The following TBC1D9B variants were observed in gnomAD, a reference collection of about 807,000 sequenced individuals.
The protein encoded by TBC1D9B is TBC1 domain family member 9B, also known as TBC1 domain family, member 9B (with GRAM domain).
A neutral mutation model predicts 121.1 loss-of-function variants in TBC1D9B; 87 were observed. The observed-to-expected ratio is 0.72, with a 90% confidence interval of 0.60 to 0.86. TBC1D9B has a LOEUF of 0.86. Among genes scored for constraint, TBC1D9B ranks in the 40% least tolerant of loss-of-function variants. The pLI is 0.00. For missense variants in TBC1D9B, 1,540 were observed against 1,628.6 expected (o/e 0.95, Z 0.94); for synonymous variants, 668 against 670.1 (o/e 1.00, Z 0.05).
rs980004470 is a variant in TBC1D9B, at chr5:179,865,505, T to TG, written c.2915-146dup. 4.3e-5 allele frequency: 33 copies of TG among 775,432 alleles called. No homozygotes were observed. Among genetic ancestry groups the TG allele is most frequent in the Non-Finnish European group, 7.0e-5 (33 of 474,686 alleles). 48.0% of individuals were successfully genotyped at this position (775,432 alleles called of 1,614,324 possible). ...ACCCTGGCGTTTGGGAAGGTGGTCATGGGAAAAAAACCCAGAACAGCCACA... is the reference window on the plus strand; with the variant it reads ...ACCCTGGCGTTTGGGAAGGTGGTCATGGGGAAAAAAACCCAGAACAGCCACA... On this transcript the variant is annotated intron_variant, in intron 19 of 20. Transcript: ENST00000355235. The surrounding 1 kb of genome is among the most constrained non-coding windows in gnomAD (Gnocchi z 5.1).
Position 179,873,251 on chromosome 5 carries a change from G to A in TBC1D9B, c.2187-3C>T, listed in dbSNP as rs2113611242. ...TGTTGACCACATTATCCAGGTATCT[G>A]CAAAGGACAGAGGACAACAGTCCAG... On this transcript the variant is annotated splice_region_variant and splice_polypyrimidine_tract_variant and intron_variant, in intron 12 of 20. Transcript: ENST00000355235. 6.2e-7 allele frequency: 1 copy of A among 1,600,586 alleles called. No homozygotes were observed. Among genetic ancestry groups the A allele is most frequent in the Non-Finnish European group, 8.5e-7 (1 of 1,173,426 alleles).
At position 179,864,020 on chromosome 5, in the gene TBC1D9B, T is replaced by A. The variant is rs1313867299; in HGVS notation, c.3130A>T (p.Ile1044Phe). ...IATVASLLLR[I>F]GEVGKKFSAR... ...GAGAACTTCTTCCCCACCTCTCCGATGCGGAGCAGGAGGCTGGCCACGGTG... is the reference window on the plus strand; with the variant it reads ...GAGAACTTCTTCCCCACCTCTCCGAAGCGGAGCAGGAGGCTGGCCACGGTG... Residue 1044 changes from isoleucine to phenylalanine, a missense_variant, in exon 21 of 21, where the codon ATC becomes TTC. Coordinates refer to ENST00000355235, the MANE Select transcript of TBC1D9B (RefSeq NM_015043.4). The A allele has an allele frequency of 1.9e-6, 3 of 1,613,668 alleles. No individual in the cohort carries two copies. Among genetic ancestry groups the A allele is most frequent in the Non-Finnish European group, 2.5e-6 (3 of 1,180,018 alleles).
In TBC1D9B at chr5:179,904,948, T is replaced by A; in HGVS notation, c.119-136A>T. On this transcript the variant is annotated intron_variant, in intron 1 of 20. Transcript: ENST00000355235. The surrounding 1 kb of genome is among the most constrained non-coding windows in gnomAD (Gnocchi z 4.2). Reference sequence around the variant, plus strand: ...AGCCCAACGAGGGAAACGTCCGGAATGACCCCTGCGGTCAAAGGCCTTCAG... The same window carrying A: ...AGCCCAACGAGGGAAACGTCCGGAAAGACCCCTGCGGTCAAAGGCCTTCAG... 1.6e-6 allele frequency: 1 copy of A among 632,190 alleles called. No homozygotes were observed. The highest frequency in any genetic ancestry group is 2.1e-5 in the South Asian group (1 of 46,786). 39.2% of individuals were successfully genotyped at this position (632,190 alleles called of 1,614,324 possible).
chr5:179,869,780 T>C lies in TBC1D9B; in HGVS notation c.2780A>G (p.His927Arg). The change falls in exon 17 of 21, where the codon CAC becomes CGC. Residue 927 changes from histidine (H) to arginine (R), a missense_variant. Coordinates refer to ENST00000355235, the MANE Select transcript of TBC1D9B (RefSeq NM_015043.4). ...TEKLKVLYKL[H>R]LPPALSPEEA... ...CAGGAGGCTCTCACCTGGGGGAAGGTGTAGCTTGTAGAGCACCTTGAGCTT... is the reference window on the plus strand; with the variant it reads ...CAGGAGGCTCTCACCTGGGGGAAGGCGTAGCTTGTAGAGCACCTTGAGCTT... 6.2e-7 allele frequency: 1 copy of C among 1,602,312 alleles called. No individual in the cohort carries two copies. The highest frequency in any genetic ancestry group is 8.5e-7 in the Non-Finnish European group (1 of 1,173,624).
Position 179,907,818 on chromosome 5 carries a change from A to G in TBC1D9B, c.4T>C (p.Trp2Arg), listed in dbSNP as rs1161763352. The G allele has an allele frequency of 8.5e-7, 1 of 1,182,034 alleles. No homozygotes were observed. 73.2% of individuals were successfully genotyped at this position (1,182,034 alleles called of 1,614,324 possible). Residue 2 changes from tryptophan (W) to arginine (R), a missense_variant, in exon 1 of 21, where the codon TGG becomes CGG. Transcript: ENST00000355235. This position sits in a 1 kb window ranked among gnomAD's most constrained non-coding sequence, Gnocchi z 5.3. The stretch of plus-strand genomic sequence containing the variant: ...ACCAGCACCTCCTCCGGGCTCAGCC[A>G]CATCGCGGAGCCGCTCGCACCGGGC... MWLSPEEVLVAN... is the reference protein window; with the variant it reads MRLSPEEVLVAN...
Position 179,891,630 on chromosome 5 carries a change from C to A in TBC1D9B, c.837-44G>T, listed in dbSNP as rs745881818. On this transcript the variant is annotated intron_variant, in intron 5 of 20. Coordinates refer to ENST00000355235, the MANE Select transcript of TBC1D9B (RefSeq NM_015043.4). The surrounding 1 kb of genome is among the most constrained non-coding windows in gnomAD (Gnocchi z 4.3). ...AGGACAGGAGGAAAGGGGACAAGGT[C>A]AGGACCAGCACACTCTCAAGGAAGC... 1.2e-6 allele frequency: 2 copies of A among 1,600,260 alleles called. No homozygotes were observed. Among genetic ancestry groups the A allele is most frequent in the South Asian group, 2.2e-5 (2 of 90,792 alleles).
rs1429262407 is a variant in TBC1D9B at position 179,874,373 on chromosome 5, A to G, written c.2186+529T>C. ...GGGCTGGATCCCAGACAGAATCTGC[A>G]AGAGATGGGATGTGGGGACTAAGGA... On this transcript the variant is annotated intron_variant, in intron 12 of 20. Coordinates refer to ENST00000355235, the MANE Select transcript of TBC1D9B (RefSeq NM_015043.4). The surrounding 1 kb of genome is among the most constrained non-coding windows in gnomAD (Gnocchi z 4.3). Among the ~76,000 whole-genome samples the G allele has an allele frequency of 6.6e-6, 1 of 152,080 alleles. No individual in the cohort carries two copies. Among genetic ancestry groups the G allele is most frequent in the Non-Finnish European group, 1.5e-5 (1 of 68,002 alleles).
In TBC1D9B at chr5:179,904,287, C is replaced by G. The variant is rs541287578; in HGVS notation, c.229+415G>C. 1.4e-5 allele frequency among the ~76,000 whole-genome samples: 2 copies of G among 143,264 alleles called. No individual in the cohort carries two copies. Among genetic ancestry groups the G allele is most frequent in the African/African-American group, 2.7e-5 (1 of 36,552 alleles). The allele number at this position is 143,264 out of a possible 152,430, so 94.0% of individuals were successfully genotyped here. The stretch of plus-strand genomic sequence containing the variant: ...TCGCCCAGGCTGGAGTGCAGTGGCG[C>G]GATCTCGGCTCACTGCAAGCTCCGC... On this transcript the variant is annotated intron_variant, in intron 2 of 20. Coordinates refer to ENST00000355235, the MANE Select transcript of TBC1D9B (RefSeq NM_015043.4). This position sits in a 1 kb window ranked among gnomAD's most constrained non-coding sequence, Gnocchi z 4.2.
At position 179,881,946 on chromosome 5, in the gene TBC1D9B, G is replaced by GTTTTTTTTTTTTTTTTTT. The variant is rs796278508; in HGVS notation, c.1255-2158_1255-2157insAAAAAAAAAAAAAAAAAA. On this transcript the variant is annotated intron_variant, in intron 7 of 20. Transcript: ENST00000355235. ...TTCCATATCTTTCCATATACCTTCC[G>GTTTTTTTTTTTTTTTTTT]TTTTTTTTTTTTTTTTGAGATGGAG... is the stretch of plus-strand genomic sequence containing the variant. Among the ~76,000 whole-genome samples the GTTTTTTTTTTTTTTTTTT allele has an allele frequency of 3.8e-4, 49 of 128,274 alleles. 2 individuals are homozygous for GTTTTTTTTTTTTTTTTTT. The highest frequency in any genetic ancestry group is 1.4e-3 in the African/African-American group (42 of 29,956). 84.2% of individuals were successfully genotyped at this position (128,274 alleles called of 152,430 possible). A position where few individuals can be genotyped will look rare whatever the true frequency, so the allele number is the denominator to read the frequency against.
intron 7 of TBC1D9B, among the ~76,000 whole-genome samples, chr5:179,884,711 G>A (rs115447712): frequency 0.024 from 3,695 of 152,264 alleles, 108 homozygotes; most frequent in African/African-American, 0.078. Flanking sequence ...CTACAACAGG[G>A]ATGAACCTGG....
rs2113615482 is a variant in TBC1D9B at position 179,876,075 on chromosome 5, G to C, written c.1783-38C>G. 2 of 1,569,858 alleles carry C rather than the reference G, an allele frequency of 1.3e-6. 1 individual carries two copies. The highest frequency in any genetic ancestry group is 2.3e-5 in the South Asian group (2 of 87,866). Reference sequence around the variant, plus strand: ...GAGACAGCCGGGGAAGGCTTGCACTGCTGGCCAGCAAATAAAACTGTCTCT... The same window carrying C: ...GAGACAGCCGGGGAAGGCTTGCACTCCTGGCCAGCAAATAAAACTGTCTCT... On this transcript the variant is annotated intron_variant, in intron 10 of 20. Transcript: ENST00000355235.
intron 6 of TBC1D9B, among the ~76,000 whole-genome samples, chr5:179,889,409 CAGA>C (rs1476484485): frequency 6.7e-6 from 1 of 148,416 alleles, no homozygotes; most frequent in Non-Finnish European, 1.5e-5. Flanking sequence ...GAGAGGCGCA[CAGA>C]AGGCCTCACA....
rs1417148368 is a variant in TBC1D9B at position 179,874,664 on chromosome 5, C to T, written c.2186+238G>A. ...CTCCAACCCTACATCTGAGCGGTGG[C>T]CCTCCAGCCAGCATGCTCTGCCCGC... On this transcript the variant is annotated intron_variant, in intron 12 of 20. Transcript: ENST00000355235. The surrounding 1 kb of genome is among the most constrained non-coding windows in gnomAD (Gnocchi z 4.3). 3.3e-5 allele frequency among the ~76,000 whole-genome samples: 5 copies of T among 152,190 alleles called. No homozygotes were observed. The highest frequency in any genetic ancestry group is 6.5e-5 in the Admixed American group (1 of 15,286).
intron 2 of TBC1D9B, among the ~76,000 whole-genome samples, chr5:179,900,850 A>G (rs1761146899): frequency 6.6e-6 from 1 of 152,068 alleles, no homozygotes; most frequent in Admixed American, 6.5e-5. Flanking sequence ...GGCCAGTGTG[A>G]CTGTGAACCA....
chr5:179,895,103 C>T lies in TBC1D9B; in HGVS notation c.349-489G>A, dbSNP rs577666308. 9.2e-5 allele frequency among the ~76,000 whole-genome samples: 14 copies of T among 152,212 alleles called. No individual in the cohort carries two copies. In the South Asian group the frequency reaches 1.0e-3, roughly 11 times the overall value. On this transcript the variant is annotated intron_variant, in intron 3 of 20. Coordinates refer to ENST00000355235, the MANE Select transcript of TBC1D9B (RefSeq NM_015043.4). ...CTCAAACTCCTGGGCTCAAGTGATC[C>T]GCCCGCCTCAGCCTCCCAAAGTGCT...
chr5:179,900,567 C>A (rs1338375682), intron 2 of TBC1D9B, among the ~76,000 whole-genome samples: 1 of 152,182 alleles, frequency 6.6e-6, no homozygotes. Context: ...GTTAGCGAAT[C>A]CTGAACCAGT....
At position 179,874,930 on chromosome 5, in the gene TBC1D9B, C is replaced by T. The variant is rs371596791; in HGVS notation, c.2158G>A (p.Glu720Lys). The change falls in exon 12 of 21, where the codon GAG (glutamate) becomes AAG (lysine). Residue 720 changes from glutamate to lysine, a missense_variant. Glu to Lys is a moderately conservative substitution (Grantham distance 56, BLOSUM62 1). Coordinates refer to ENST00000355235, the MANE Select transcript of TBC1D9B (RefSeq NM_015043.4). This position sits in a 1 kb window ranked among gnomAD's most constrained non-coding sequence, Gnocchi z 4.3. ...NMEQLLGCSD[E>K]GEAMTMLGRY... Reference sequence around the variant, plus strand: ...CCCAGCATGGTCATGGCCTCGCCCTCGTCGCTGCAGCCCAGCAGCTGCTCC... The same window carrying T: ...CCCAGCATGGTCATGGCCTCGCCCTTGTCGCTGCAGCCCAGCAGCTGCTCC... 8.7e-6 allele frequency: 14 copies of T among 1,613,426 alleles called. No individual in the cohort carries two copies. The East Asian group carries it at 2.2e-4, about 26-fold the overall frequency.
In TBC1D9B at chr5:179,906,913, G is replaced by C. The variant is rs185388017; in HGVS notation, c.118+791C>G. On this transcript the variant is annotated intron_variant, in intron 1 of 20. Coordinates refer to ENST00000355235, the MANE Select transcript of TBC1D9B (RefSeq NM_015043.4). Reference sequence around the variant, plus strand: ...CACAGGCACTGAGCCCGAGCCAGCCGGGCTCCTGCAGTGCTGGGCGCAGGC... The same window carrying C: ...CACAGGCACTGAGCCCGAGCCAGCCCGGCTCCTGCAGTGCTGGGCGCAGGC... Among the ~76,000 whole-genome samples, 571 of 152,336 alleles carry C rather than the reference G, an allele frequency of 3.7e-3. 4 individuals carry two copies. Among genetic ancestry groups the C allele is most frequent in the African/African-American group, 0.013 (555 of 41,570 alleles).
Position 179,894,488 on chromosome 5 carries a change from A to C in TBC1D9B, c.475T>G (p.Tyr159Asp). ...CCCTTCCAGTAGCTGCAGGAGTAGT[A>C]ATTCACCAGCTTCTCGCCCTCAGGC... ...GMPEGEKLVN[Y>D]YSCSYWKGRV... The change falls in exon 4 of 21, where the codon TAC becomes GAC. Residue 159 changes from tyrosine (Y) to aspartate (D), a missense_variant. Tyr to Asp is a radical substitution (Grantham distance 160). Coordinates refer to ENST00000355235, the MANE Select transcript of TBC1D9B (RefSeq NM_015043.4). 1 of 1,614,170 alleles carries C rather than the reference A, an allele frequency of 6.2e-7. No individual in the cohort carries two copies. The highest frequency in any genetic ancestry group is 1.1e-5 in the South Asian group (1 of 91,084).
Sources: gnomAD v4.1 joint callset for allele counts (sites outside exome capture counted in the v4.1 genomes callset) on GRCh38, gnomAD v4.1.1 for gene constraint, Gnocchi (gnomAD v3.1) non-coding constraint, MANE v1.5 for transcripts, NCBI Gene and HGNC (gene_info 2026-07-23, HGNC 2026-07-21) for gene names.